The following TTI1 variants were observed in gnomAD, a reference collection of about 807,000 sequenced individuals.
TTI1 encodes TELO2 interacting protein 1, also known as TELO2-interacting protein 1 homolog.
In TTI1, 52 loss-of-function variants were observed where a neutral mutation model predicts 85.4. The ratio of observed to expected loss-of-function variants is 0.61; its 90% CI spans 0.49 to 0.77. TTI1 has a LOEUF of 0.77. TTI1 is among the 30% of genes least tolerant of loss of function. The pLI is 0.00. For missense variants in TTI1, 1,173 were observed against 1,296.0 expected, an observed-to-expected ratio of 0.91 and a Z score of 1.46; for synonymous variants, 512 against 503.9, an observed-to-expected ratio of 1.02 and a Z score of -0.22.
Position 38,011,865 on chromosome 20 carries a change from G to C in TTI1, c.1952C>G (p.Ser651Ter), listed in dbSNP as rs775280444. The change falls in exon 2 of 8, where the codon TCA becomes TGA. Residue 651 changes from serine (S) to a stop codon, truncating the protein, a stop_gained. Transcript: ENST00000373447. LOFTEE classifies it high-confidence loss of function. ...LGKDFCLLLM[S>*]ALYPVLEKAG... ...CTTCTCCAGTACTGGATAAAGGGCT[G>C]ACATCAAGAGCAAACAGAAGTCTTT... 6.2e-7 allele frequency: 1 copy of C among 1,614,118 alleles called. No homozygotes were observed. Among genetic ancestry groups the C allele is most frequent in the African/African-American group, 1.3e-5 (1 of 74,936 alleles).
Position 38,013,209 on chromosome 20 carries a change from C to T in TTI1, c.608G>A (p.Gly203Glu). ...AGGTAAAAAAGAGGCAAACAAATCCCCCAGCTGCTTTTGTTCAAGTTCATC... is the reference window on the plus strand; with the variant it reads ...AGGTAAAAAAGAGGCAAACAAATCCTCCAGCTGCTTTTGTTCAAGTTCATC... ...SLDELEQKQL[G>E]DLFASFLPGI... The change falls in exon 2 of 8, where the codon GGG becomes GAG. Residue 203 changes from glycine to glutamate, a missense_variant. Physicochemically the swap from Gly to Glu is moderately conservative, Grantham distance 98. Coordinates refer to ENST00000373447, the MANE Select transcript of TTI1 (RefSeq NM_001303457.2). 8.7e-6 allele frequency: 14 copies of T among 1,614,088 alleles called. No homozygotes were observed. The highest frequency in any genetic ancestry group is 1.2e-5 in the Non-Finnish European group (14 of 1,180,046).
intron 7 of TTI1, among the ~76,000 whole-genome samples, chr20:37,984,788 C>T (rs2073169006): frequency 6.6e-6 from 1 of 152,196 alleles, no homozygotes; most frequent in Non-Finnish European, 1.5e-5. Context: ...GGGCAGGGAC[C>T]AGGGACCACA....
At chr20:38,025,523 T>C (rs2073825449) in intron 1 of TTI1, among the ~76,000 whole-genome samples, 2 of 151,360 alleles carry the variant, frequency 1.3e-5, no homozygotes, top group South Asian at 2.1e-4. Flanking sequence ...GAGCAGAGAT[T>C]GTGGCATGGC....
At chr20:38,020,310 GAAAA>G (rs772839935) in intron 1 of TTI1, among the ~76,000 whole-genome samples, 19 of 48,278 alleles carry the variant, frequency 3.9e-4, no homozygotes, top group African/African-American at 1.1e-3. Context: ...CTACTCATAT[GAAAA>G]AAAAAAAAAA....
chr20:37,994,195 G>T (rs776037798), intron 7 of TTI1, among the ~76,000 whole-genome samples: 2 of 152,132 alleles, frequency 1.3e-5, no homozygotes, highest in Non-Finnish European at 2.9e-5. Context: ...GTACAGTGGT[G>T]CGGTCTTGGC....
intron 5 of TTI1, among the ~76,000 whole-genome samples, chr20:37,998,219 C>T (rs1179039456): frequency 6.6e-6 from 1 of 151,870 alleles, no homozygotes; most frequent in Non-Finnish European, 1.5e-5. Flanking sequence ...TGAGCCACCG[C>T]GACTGGCCTA....
intron 2 of TTI1, among the ~76,000 whole-genome samples, chr20:38,011,057 C>G (rs1429839753): frequency 1.3e-5 from 2 of 152,170 alleles, no homozygotes; most frequent in East Asian, 1.9e-4. Context: ...TCTCTTAGTA[C>G]CGTTCTAGAC....
At chr20:38,002,829 T>TA in intron 3 of TTI1, 53 bp from the exon 4 acceptor site, 1 of 1,596,178 alleles carries the variant, frequency 6.3e-7, no homozygotes, top group African/African-American at 1.3e-5. Flanking sequence ...AAAACAGAGA[T>TA]ACCTAAATTT....
intron 7 of TTI1, among the ~76,000 whole-genome samples, chr20:37,995,611 C>A (rs1280120650): frequency 1.3e-5 from 2 of 152,252 alleles, no homozygotes; most frequent in Non-Finnish European, 2.9e-5. Flanking sequence ...CTGCTCCCAC[C>A]TGGAAGGAAA....
chr20:38,002,569 AC>A lies in TTI1; in HGVS notation c.2652+58del, dbSNP rs2073440560. ...GTGCTCATCCGTGTAGCCACTGCCA[AC>A]CAGGCCACACCTTAGTCCTGCTACT... is the stretch of plus-strand genomic sequence containing the variant. On this transcript the variant is annotated intron_variant, in intron 4 of 7. Coordinates refer to ENST00000373447, the MANE Select transcript of TTI1 (RefSeq NM_001303457.2). 3.8e-6 allele frequency: 6 copies of A among 1,594,520 alleles called. No individual in the cohort carries two copies. In the South Asian group the frequency reaches 6.6e-5, roughly 18 times the overall value.
At position 38,008,967 on chromosome 20, in the gene TTI1, C is replaced by T. The variant is rs2073540600; in HGVS notation, c.2302+2548G>A. On this transcript the variant is annotated intron_variant, in intron 2 of 7. Coordinates refer to ENST00000373447, the MANE Select transcript of TTI1 (RefSeq NM_001303457.2). ...TTCCTTTCTGCAAGGGAGACCCTCT[C>T]CCTCCACCTCATTTTTTTTTTTTTA... 3.3e-5 allele frequency among the ~76,000 whole-genome samples: 5 copies of T among 151,796 alleles called. No individual in the cohort carries two copies. The South Asian group carries it at 1.0e-3, about 32-fold the overall frequency.
At chr20:37,984,445 TGCCTCTTA>T (rs1425253665) in intron 7 of TTI1, among the ~76,000 whole-genome samples, 3 of 152,194 alleles carry the variant, frequency 2.0e-5, no homozygotes, top group Non-Finnish European at 2.9e-5. Flanking sequence ...TCACAACTCT[TGCCTCTTA>T]GCTGCTCAAA....
intron 7 of TTI1, among the ~76,000 whole-genome samples, chr20:37,988,599 T>C (rs991022137): frequency 7.9e-5 from 12 of 152,246 alleles, no homozygotes; most frequent in African/African-American, 2.9e-4. Context: ...CGTCTCTTTC[T>C]GGATTTATAA....
intron 1 of TTI1, among the ~76,000 whole-genome samples, chr20:38,020,337 T>A (rs1257559488): frequency 2.8e-4 from 33 of 116,598 alleles, no homozygotes; most frequent in African/African-American, 5.4e-4. Flanking sequence ...TATATATATA[T>A]ATATATATAT....
At chr20:38,022,632 G>A (rs2073785005) in intron 1 of TTI1, among the ~76,000 whole-genome samples, 1 of 151,872 alleles carries the variant, frequency 6.6e-6, no homozygotes, top group Admixed American at 6.6e-5. Context: ...CCTACAGGTA[G>A]TTGATCTCGT....
chr20:38,019,024 C>T (rs1324496901), intron 1 of TTI1: 2 of 151,838 alleles, frequency 1.3e-5, no homozygotes, highest in African/African-American at 2.4e-5. Flanking sequence ...GTGGTGTGCA[C>T]TAATAGTCCC....
chr20:38,013,910 G>A (rs975435466), intron 1 of TTI1, 53 bp from the exon 2 acceptor site: 8 of 1,497,364 alleles, frequency 5.3e-6, no homozygotes, highest in Middle Eastern at 4.6e-4. Context: ...CAAGTATGAA[G>A]TGAACTTGCA....
chr20:38,027,380 T>G (rs756452938), intron 1 of TTI1, among the ~76,000 whole-genome samples: 1 of 152,202 alleles, frequency 6.6e-6, no homozygotes, highest in African/African-American at 2.4e-5. Flanking sequence ...TGTATTGTTA[T>G]CTTTTACTTT....
Position 38,029,568 on chromosome 20 carries a change from AAGAGAGAG to A in TTI1, c.-42+3828_-42+3835del, listed in dbSNP as rs60021792. On this transcript the variant is annotated intron_variant, in intron 1 of 7. Transcript: ENST00000373447. ...AAGATTGACAAGGGAGTGAGTGAGC[AAGAGAGAG>A]AGAGAGAGAGAGAGGAGAGAGAAGA... Among the ~76,000 whole-genome samples, 231 of 149,226 alleles carry A rather than the reference AAGAGAGAG, an allele frequency of 1.5e-3. 2 individuals are homozygous for A. In the South Asian group the frequency reaches 0.026, roughly 17 times the overall value.
Sources: allele counts gnomAD v4.1 joint callset (sites outside exome capture counted in the v4.1 genomes callset), GRCh38; gene constraint gnomAD v4.1.1; transcripts MANE v1.5; gene names NCBI Gene and HGNC (gene_info 2026-07-23, HGNC 2026-07-21).